The following NTM variants were observed in gnomAD, a reference collection of about 807,000 sequenced individuals.
NTM encodes the protein neurotrimin.
NTM carries 13 observed loss-of-function variants against 42.1 expected under a neutral mutation model. The observed-to-expected ratio is 0.31, with a 90% CI of 0.20 to 0.49. The LOEUF (loss-of-function observed/expected upper bound fraction) is 0.49. Among genes scored for constraint, NTM ranks in the 20% least tolerant of loss-of-function variants. The pLI, the probability that NTM is intolerant of heterozygous loss-of-function variation, is 0.99. For synonymous variants in NTM, 187 were observed against 179.2 expected, an observed-to-expected ratio of 1.04 and a Z score of -0.35; for missense variants, 373 against 452.8, an observed-to-expected ratio of 0.82 and a Z score of 1.60.
At position 131,911,610 on chromosome 11, in the gene NTM, C is replaced by A; in HGVS notation, c.129C>A (p.Asp43Glu). 6.2e-7 allele frequency: 1 copy of A among 1,614,208 alleles called. No homozygotes were observed. The highest frequency in any genetic ancestry group is 8.5e-7 in the Non-Finnish European group (1 of 1,180,040). ...ATGCCACCTTCCCCAAAGCTATGGA[C>A]AACGTGACGGTCCGGCAGGGGGAGA... Reference protein sequence around the residue: ...SGDATFPKAMDNVTVRQGESA... With the variant: ...SGDATFPKAMENVTVRQGESA... Residue 43 changes from aspartate to glutamate, a missense_variant, in exon 2 of 9, where the codon GAC becomes GAA. This residue lies in a region of NTM where 32 missense variants were observed against 68.8 expected (regional missense o/e 0.47). Transcript: ENST00000683400.
chr11:131,796,307 G>C, intron 1 of NTM: 1 of 341,678 alleles, frequency 2.9e-6, no homozygotes, highest in Non-Finnish European at 4.1e-6. Context: ...GGTGTCTCAG[G>C]AGCACGCAGG....
intron 1 of NTM, among the ~76,000 whole-genome samples, chr11:131,488,581 C>A (rs1954437903): frequency 2.0e-5 from 3 of 152,194 alleles, no homozygotes; most frequent in Non-Finnish European, 2.9e-5. Flanking sequence ...GTTTCCACTT[C>A]ACGATGGCAA....
chr11:131,559,918 A>G (rs904515827), intron 1 of NTM, among the ~76,000 whole-genome samples: 1 of 152,192 alleles, frequency 6.6e-6, no homozygotes, highest in African/African-American at 2.4e-5. Context: ...TGGGAAATGC[A>G]GTCTCTAGCA....
At chr11:131,398,317 A>G (rs1386508537) in intron 1 of NTM, among the ~76,000 whole-genome samples, 1 of 152,176 alleles carries the variant, frequency 6.6e-6, no homozygotes, top group Non-Finnish European at 1.5e-5. Context: ...TAAGTAATGT[A>G]TCTTTATTAA....
intron 1 of NTM, among the ~76,000 whole-genome samples, chr11:131,453,390 C>G (rs1950624039): frequency 6.6e-6 from 1 of 152,072 alleles, no homozygotes; most frequent in Admixed American, 6.5e-5. Context: ...TTTTAGGAGG[C>G]TTGGGGAACA....
chr11:132,283,073 G>A (rs890172085), intron 4 of NTM, among the ~76,000 whole-genome samples: 3 of 143,346 alleles, frequency 2.1e-5, no homozygotes, highest in East Asian at 2.1e-4. Flanking sequence ...TGCAACCTTC[G>A]CCTCCTGGGT....
At chr11:131,918,287 T>C (rs2056715829) in intron 2 of NTM, among the ~76,000 whole-genome samples, 1 of 152,178 alleles carries the variant, frequency 6.6e-6, no homozygotes, top group African/African-American at 2.4e-5. Flanking sequence ...CTCCTGACCA[T>C]GAATGCTTTC....
chr11:131,479,853 G>A (rs959808547), intron 1 of NTM, among the ~76,000 whole-genome samples: 11 of 152,066 alleles, frequency 7.2e-5, no homozygotes, highest in Admixed American at 6.6e-4. Flanking sequence ...TAAAGCAGGT[G>A]TGAAAGCTTG....
chr11:131,469,897 G>A (rs1952267789), intron 1 of NTM, among the ~76,000 whole-genome samples: 1 of 152,182 alleles, frequency 6.6e-6, no homozygotes, highest in East Asian at 1.9e-4. Context: ...AGCATGAGGG[G>A]ATTCAATGCA....
chr11:132,079,839 A>G (rs879646196), intron 2 of NTM, among the ~76,000 whole-genome samples: 4 of 152,216 alleles, frequency 2.6e-5, no homozygotes, highest in Admixed American at 1.3e-4. Context: ...GGGAAGCCAC[A>G]TCACACCTTT....
At chr11:131,453,020 T>C (rs1436643718) in intron 1 of NTM, among the ~76,000 whole-genome samples, 1 of 152,182 alleles carries the variant, frequency 6.6e-6, no homozygotes, top group African/African-American at 2.4e-5. Flanking sequence ...CCCAAAACCG[T>C]ATTTCCAATG....
intron 2 of NTM, among the ~76,000 whole-genome samples, chr11:131,965,469 A>G (rs1356721883): frequency 6.6e-6 from 1 of 152,250 alleles, no homozygotes; most frequent in Non-Finnish European, 1.5e-5. Flanking sequence ...TACATGCTAA[A>G]AGGGCATCGG....
intron 1 of NTM, among the ~76,000 whole-genome samples, chr11:131,612,168 C>T (rs980226490): frequency 2.5e-4 from 38 of 152,202 alleles, no homozygotes; most frequent in African/African-American, 8.2e-4. Flanking sequence ...CAGCCATGTA[C>T]ATGGGCCACC....
chr11:131,719,784 C>T (rs779376951), intron 1 of NTM, among the ~76,000 whole-genome samples: 9 of 152,224 alleles, frequency 5.9e-5, no homozygotes, highest in South Asian at 2.1e-4. Flanking sequence ...GCATTACCTC[C>T]GCTGGGAAAT....
At chr11:131,414,883 C>T (rs560179510) in intron 1 of NTM, among the ~76,000 whole-genome samples, 4 of 152,268 alleles carry the variant, frequency 2.6e-5, no homozygotes, top group South Asian at 4.1e-4. Flanking sequence ...ACAGGGTTGT[C>T]TATACAGTGC....
chr11:131,697,006 A>T (rs58868200), intron 1 of NTM, among the ~76,000 whole-genome samples: 7,360 of 152,304 alleles, frequency 0.048, 631 homozygotes, highest in African/African-American at 0.17. Context: ...AGCCCTGAGT[A>T]TATGGAGAAA....
At chr11:131,820,619 C>G (rs2093146372) in intron 1 of NTM, among the ~76,000 whole-genome samples, 1 of 152,168 alleles carries the variant, frequency 6.6e-6, no homozygotes, top group South Asian at 2.1e-4. Context: ...AGTTCACTAT[C>G]CTTAATTTGA....
At chr11:131,551,691 G>A (rs758969812) in intron 1 of NTM, among the ~76,000 whole-genome samples, 4 of 152,122 alleles carry the variant, frequency 2.6e-5, no homozygotes, top group Non-Finnish European at 4.4e-5. Flanking sequence ...TTATCCACAC[G>A]GGCTTTCTTC....
chr11:132,290,486 C>T (rs776094647), intron 4 of NTM, among the ~76,000 whole-genome samples: 48 of 151,892 alleles, frequency 3.2e-4, no homozygotes, highest in Non-Finnish European at 5.9e-4. Context: ...GGATACTGAG[C>T]GTATTGTTTT....
Sources: allele counts gnomAD v4.1 joint callset (sites outside exome capture counted in the v4.1 genomes callset), GRCh38; gene constraint gnomAD v4.1.1; regional missense constraint gnomAD v4.1.1; transcripts MANE v1.5; gene names NCBI Gene and HGNC (gene_info 2026-07-23, HGNC 2026-07-21).